The following ST3GAL1 variants were observed in gnomAD, a reference collection of about 807,000 sequenced individuals.
The protein encoded by ST3GAL1 is CMP-N-acetylneuraminate-beta-galactosamide-alpha-2,3-sialyltransferase 1.
A neutral mutation model predicts 34.1 loss-of-function variants in ST3GAL1; 16 were observed. The ratio of observed to expected loss-of-function variants is 0.47; its 90% CI spans 0.32 to 0.71. The LOEUF (loss-of-function observed/expected upper bound fraction) is 0.71, where lower values mean the gene tolerates loss of function less well. Among genes scored for constraint, ST3GAL1 ranks in the 30% least tolerant of loss-of-function variants. The pLI, the probability that ST3GAL1 is intolerant of heterozygous loss-of-function variation, is 0.04. For synonymous variants in ST3GAL1, 191 were observed against 184.7 expected (o/e 1.03, Z -0.28); for missense variants, 353 against 447.4 (o/e 0.79, Z 1.90).
intron 5 of ST3GAL1, among the ~76,000 whole-genome samples, chr8:133,473,419 C>T (rs1317317546): frequency 2.0e-5 from 3 of 152,132 alleles, no homozygotes; most frequent in Non-Finnish European, 4.4e-5. Flanking sequence ...AGGTCCCTTC[C>T]TGTTTGGTTT....
chr8:133,464,103 C>G (rs1405471328), intron 7 of ST3GAL1, among the ~76,000 whole-genome samples: 1 of 152,200 alleles, frequency 6.6e-6, no homozygotes, highest in Non-Finnish European at 1.5e-5. Context: ...ACCTGGACAT[C>G]AAAACACTTC....
chr8:133,484,688 G>A (rs1039572278), intron 3 of ST3GAL1, among the ~76,000 whole-genome samples: 2 of 152,144 alleles, frequency 1.3e-5, no homozygotes, highest in Non-Finnish European at 2.9e-5. Context: ...CTCATTTGGA[G>A]AATCAGCCTA....
At chr8:133,525,915 G>T in intron 2 of ST3GAL1, among the ~76,000 whole-genome samples, 1 of 152,182 alleles carries the variant, frequency 6.6e-6, no homozygotes. Flanking sequence ...GGATGCCTGG[G>T]TCCAGAGCTG....
intron 2 of ST3GAL1, among the ~76,000 whole-genome samples, chr8:133,528,288 C>T (rs763597631): frequency 6.6e-6 from 1 of 152,180 alleles, no homozygotes; most frequent in African/African-American, 2.4e-5. Context: ...TTTGTGCCTG[C>T]AGGGAAGGAG....
At position 133,551,168 on chromosome 8, in the gene ST3GAL1, A is replaced by C. The variant is rs1383254994; in HGVS notation, c.-581-5242T>G. Among the ~76,000 whole-genome samples, 6 of 152,180 alleles carry C rather than the reference A, an allele frequency of 3.9e-5. No homozygotes were observed. In the East Asian group the frequency reaches 1.2e-3, roughly 29 times the overall value. On this transcript the variant is annotated intron_variant, in intron 1 of 9. Transcript: ENST00000522652. ...CCCCTAGGGGACACTGGTCAAGTCA[A>C]GCTGTGTGATATTAGAAAAACAGCC...
intron 3 of ST3GAL1, among the ~76,000 whole-genome samples, chr8:133,481,431 G>A (rs926994295): frequency 6.6e-6 from 1 of 152,112 alleles, no homozygotes; most frequent in Admixed American, 6.6e-5. Context: ...TGAGATCACC[G>A]TAAGCTTAAC....
rs1815671106 is a variant in ST3GAL1, at chr8:133,464,887, G to C, written c.574C>G (p.Pro192Ala). The C allele has an allele frequency of 3.1e-6, 5 of 1,614,044 alleles. No individual in the cohort carries two copies. Among genetic ancestry groups the C allele is most frequent in the Non-Finnish European group, 1.7e-6 (2 of 1,179,974 alleles). The change falls in exon 7 of 10, where the codon CCT becomes GCT. Residue 192 changes from proline (P) to alanine (A), a missense_variant. Physicochemically the swap from Pro to Ala is conservative, Grantham distance 27 (BLOSUM62 -1). Transcript: ENST00000522652. ...GTKTTHHLVY[P>A]ESFRELGDNV... ...TCTCCCAGCTCCCGGAAGCTCTCAG[G>C]GTACACCAGATGGTGGGTGGTCTTG... is the stretch of plus-strand genomic sequence containing the variant.
At chr8:133,545,048 T>C (rs1386048638) in intron 2 of ST3GAL1, among the ~76,000 whole-genome samples, 1 of 152,224 alleles carries the variant, frequency 6.6e-6, no homozygotes, top group East Asian at 1.9e-4. Flanking sequence ...TATCCATGGG[T>C]ACCCATAAGC....
In ST3GAL1 at chr8:133,495,932, C is replaced by G. The variant is rs147327754; in HGVS notation, c.-374+3203G>C. Among the ~76,000 whole-genome samples the G allele has an allele frequency of 4.8e-3, 731 of 152,298 alleles. 4 individuals are homozygous for G. Among genetic ancestry groups the G allele is most frequent in the African/African-American group, 0.016 (683 of 41,540 alleles). On this transcript the variant is annotated intron_variant, in intron 3 of 9. Transcript: ENST00000522652. ...CGCCTGAACTGCTGTGGAGGGCACA[C>G]GCTGTGTCTTATTTAGTCTTAGTAA...
intron 2 of ST3GAL1, among the ~76,000 whole-genome samples, chr8:133,538,147 T>C (rs1818359918): frequency 6.6e-6 from 1 of 152,222 alleles, no homozygotes; most frequent in Non-Finnish European, 1.5e-5. Flanking sequence ...CTAAGTTCCA[T>C]GACAGCAGAA....
intron 1 of ST3GAL1, among the ~76,000 whole-genome samples, chr8:133,569,386 A>C (rs537647407): frequency 2.0e-5 from 3 of 152,370 alleles, no homozygotes; most frequent in African/African-American, 7.2e-5. Flanking sequence ...GTAGAGTATG[A>C]ACTACCTATA....
chr8:133,549,806 T>C lies in ST3GAL1; in HGVS notation c.-581-3880A>G, dbSNP rs540250403. 9.3e-3 allele frequency among the ~76,000 whole-genome samples: 1,413 copies of C among 151,840 alleles called. 14 individuals are homozygous for C. Among genetic ancestry groups the C allele is most frequent in the Middle Eastern group, 0.02 (6 of 294 alleles). ...GGAGAAACCCTGTCTCTACTAAAAATACAAAATTAGCCAGGCATGGTGGTG... is the reference window on the plus strand; with the variant it reads ...GGAGAAACCCTGTCTCTACTAAAAACACAAAATTAGCCAGGCATGGTGGTG... On this transcript the variant is annotated intron_variant, in intron 1 of 9. Coordinates refer to ENST00000522652, the MANE Select transcript of ST3GAL1 (RefSeq NM_173344.3).
intron 2 of ST3GAL1, among the ~76,000 whole-genome samples, chr8:133,517,642 G>A (rs547406591): frequency 4.6e-5 from 7 of 152,332 alleles, no homozygotes; most frequent in South Asian, 2.1e-4. Context: ...GAGCCAACGC[G>A]CCCGGCCCAG....
At chr8:133,505,957 CATTA>C (rs1252815622) in intron 2 of ST3GAL1, among the ~76,000 whole-genome samples, 1 of 152,116 alleles carries the variant, frequency 6.6e-6, no homozygotes, top group East Asian at 1.9e-4. Flanking sequence ...CAGTTGCACT[CATTA>C]ATTAACTAAT....
rs1472930831 is a variant in ST3GAL1, at chr8:133,556,635, G to A, written c.-581-10709C>T. Among the ~76,000 whole-genome samples the A allele has an allele frequency of 1.3e-5, 2 of 152,286 alleles. No homozygotes were observed. Among genetic ancestry groups the A allele is most frequent in the African/African-American group, 4.8e-5 (2 of 41,550 alleles). ...GGATGAAGAAACGAAAGAAGAAAGG[G>A]AGGGAGAAAAAGAAGGAACGAAAAT... On this transcript the variant is annotated intron_variant, in intron 1 of 9. Transcript: ENST00000522652. The surrounding 1 kb of genome is among the most constrained non-coding windows in gnomAD (Gnocchi z 8.9).
intron 2 of ST3GAL1, among the ~76,000 whole-genome samples, chr8:133,517,583 C>T (rs1817684533): frequency 6.6e-6 from 1 of 152,198 alleles, no homozygotes; most frequent in Non-Finnish European, 1.5e-5. Context: ...CTCCTGACCT[C>T]AAGTGATCTG....
At position 133,570,915 on chromosome 8, in the gene ST3GAL1, G is replaced by A. The variant is rs1819549573; in HGVS notation, c.-582+778C>T. 6.6e-6 allele frequency among the ~76,000 whole-genome samples: 1 copy of A among 152,222 alleles called. No individual in the cohort carries two copies. The highest frequency in any genetic ancestry group is 1.5e-5 in the Non-Finnish European group (1 of 68,044). On this transcript the variant is annotated intron_variant, in intron 1 of 9. Coordinates refer to ENST00000522652, the MANE Select transcript of ST3GAL1 (RefSeq NM_173344.3). The surrounding 1 kb of genome is among the most constrained non-coding windows in gnomAD (Gnocchi z 5.6). ...CAGATTATTTCTTGGGAGCTGCGACGCCTCACGGGGTTGGGGCGGATTCAG... is the reference window on the plus strand; with the variant it reads ...CAGATTATTTCTTGGGAGCTGCGACACCTCACGGGGTTGGGGCGGATTCAG...
chr8:133,546,632 A>G (rs1180174937), intron 1 of ST3GAL1, among the ~76,000 whole-genome samples: 1 of 152,230 alleles, frequency 6.6e-6, no homozygotes, highest in Non-Finnish European at 1.5e-5. Context: ...ATAAATATGT[A>G]AGATATGAAT....
intron 2 of ST3GAL1, among the ~76,000 whole-genome samples, chr8:133,520,565 C>T (rs901188315): frequency 7.2e-5 from 11 of 152,118 alleles, no homozygotes; most frequent in Non-Finnish European, 1.3e-4. Flanking sequence ...AAACATGAAT[C>T]CCCTGCAGGG....
Sources: allele counts gnomAD v4.1 joint callset (sites outside exome capture counted in the v4.1 genomes callset), GRCh38; gene constraint gnomAD v4.1.1; non-coding constraint Gnocchi (gnomAD v3.1); transcripts MANE v1.5; gene names NCBI Gene and HGNC (gene_info 2026-07-23, HGNC 2026-07-21).